P3H2: variants seen among roughly 807,000 people sequenced by gnomAD.
P3H2 encodes prolyl 3-hydroxylase 2, also known as leprecan-like 1.
Under a neutral mutation model 87.0 loss-of-function variants are expected in P3H2, and 80 were observed. That is an observed-to-expected ratio of 0.92 (90% CI 0.77 to 1.11). The LOEUF (loss-of-function observed/expected upper bound fraction) is 1.11, where lower values mean the gene tolerates loss of function less well. Ranked by LOEUF, P3H2 falls within the 50% of genes least tolerant of loss-of-function variation. The probability of loss-of-function intolerance (pLI) is 0.00; values close to 1 mark genes in which losing one functional copy is unlikely to be tolerated. For synonymous variants in P3H2, 367 were observed against 359.3 expected (o/e 1.02, Z -0.24); for missense variants, 1,001 against 923.9 (o/e 1.08, Z -1.08).
intron 1 of P3H2, among the ~76,000 whole-genome samples, chr3:190,074,506 G>T (rs1577310535): frequency 6.6e-6 from 1 of 151,988 alleles, no homozygotes; most frequent in East Asian, 1.9e-4. Flanking sequence ...GCGAGACTCT[G>T]TCTCAAAATA....
At chr3:190,075,421 G>T (rs2108975759) in intron 1 of P3H2, among the ~76,000 whole-genome samples, 1 of 151,294 alleles carries the variant, frequency 6.6e-6, no homozygotes, top group Middle Eastern at 3.4e-3. Context: ...GGAGGTGGAG[G>T]TTACAGTGAG....
intron 1 of P3H2, among the ~76,000 whole-genome samples, chr3:190,112,127 C>T (rs1200190607): frequency 6.6e-6 from 1 of 152,214 alleles, no homozygotes. Context: ...GGGAGGAACC[C>T]TGTTCTAGTG....
At chr3:190,042,083 C>G (rs548372861) in intron 1 of P3H2, among the ~76,000 whole-genome samples, 11 of 152,074 alleles carry the variant, frequency 7.2e-5, no homozygotes, top group African/African-American at 2.7e-4. Context: ...TGGCTTCTAT[C>G]GTCTGAATGC....
At chr3:189,981,218 TGGTTTGTAGCTGGTCAATGAGG>T (rs1361554002) in intron 8 of P3H2, among the ~76,000 whole-genome samples, 1 of 152,228 alleles carries the variant, frequency 6.6e-6, no homozygotes, top group Non-Finnish European at 1.5e-5. Context: ...ATGGGAACAC[TGGTTTGTAGCTGGTCAATGAGG>T]GGTTGGTCAG....
chr3:190,047,187 A>C (rs1725835123), intron 1 of P3H2, among the ~76,000 whole-genome samples: 1 of 152,226 alleles, frequency 6.6e-6, no homozygotes, highest in Non-Finnish European at 1.5e-5. Flanking sequence ...TCAAAACCAC[A>C]GTGAGATATC....
chr3:190,096,645 A>T (rs1358815078), intron 1 of P3H2, among the ~76,000 whole-genome samples: 1 of 152,234 alleles, frequency 6.6e-6, no homozygotes, highest in Non-Finnish European at 1.5e-5. Flanking sequence ...CTTTTGGGCA[A>T]TCCCACATTC....
At chr3:189,977,262 T>C (rs538159284) in intron 8 of P3H2, among the ~76,000 whole-genome samples, 5 of 152,318 alleles carry the variant, frequency 3.3e-5, no homozygotes, top group Admixed American at 3.3e-4. Flanking sequence ...TTACATGAAA[T>C]TGCAACTTCT....
chr3:190,053,358 T>G (rs1021708556), intron 1 of P3H2, among the ~76,000 whole-genome samples: 1 of 152,158 alleles, frequency 6.6e-6, no homozygotes, highest in Admixed American at 6.5e-5. Context: ...TCTTTATATA[T>G]TCTAGACACA....
At chr3:189,973,161 T>C (rs1314500939) in intron 10 of P3H2, 137 bp from the exon 11 acceptor site, 2 of 749,536 alleles carry the variant, frequency 2.7e-6, no homozygotes, top group Non-Finnish European at 4.3e-6. Flanking sequence ...TACATATTTG[T>C]GGATTTCGGT....
Position 189,974,602 on chromosome 3 carries a change from CG to C in P3H2, c.1407del (p.Asn469LysfsTer44). 1 of 1,614,120 alleles carries C rather than the reference CG, an allele frequency of 6.2e-7. No individual in the cohort carries two copies. The highest frequency in any genetic ancestry group is 8.5e-7 in the Non-Finnish European group (1 of 1,180,024). ...TCCCGGCACTGTTCTTCCGACAGGACGTTATCCAGGAGAACCCGCTGAGTCC... is the reference window on the plus strand; with the variant it reads ...TCCCGGCACTGTTCTTCCGACAGGACTTATCCAGGAGAACCCGCTGAGTCC... ...LNGTQRVLLD[N>X]VLSEEQCREL... On this transcript the variant is annotated frameshift_variant, in exon 9 of 15. Transcript: ENST00000319332. LOFTEE classifies it high-confidence loss of function.
intron 1 of P3H2, among the ~76,000 whole-genome samples, chr3:190,027,947 G>A (rs1332532658): frequency 6.8e-6 from 1 of 147,044 alleles, no homozygotes; most frequent in Middle Eastern, 3.4e-3. Flanking sequence ...TAGCCTGGGC[G>A]ACAGAGCAAG....
chr3:190,067,002 A>G (rs957950732), intron 1 of P3H2, among the ~76,000 whole-genome samples: 1 of 138,896 alleles, frequency 7.2e-6, no homozygotes, highest in African/African-American at 2.9e-5. Flanking sequence ...TTCTTTTTTA[A>G]TTTTCTTTCT....
rs149677146 is a variant in P3H2, at chr3:190,112,277, C to A, written c.480+7975G>T. Among the ~76,000 whole-genome samples the A allele has an allele frequency of 3.1e-3, 474 of 152,292 alleles. 4 individuals are homozygous for A. Among genetic ancestry groups the A allele is most frequent in the African/African-American group, 0.01 (423 of 41,558 alleles). ...TCTCTTTTGAGCTTTATTTTCCCATCCATAAAATGCAATGGTTGCAGTACT... is the reference window on the plus strand; with the variant it reads ...TCTCTTTTGAGCTTTATTTTCCCATACATAAAATGCAATGGTTGCAGTACT... On this transcript the variant is annotated intron_variant, in intron 1 of 14. Transcript: ENST00000319332.
chr3:189,973,160 G>T, intron 10 of P3H2, 136 bp from the exon 11 acceptor site: 1 of 746,562 alleles, frequency 1.3e-6, no homozygotes, highest in Non-Finnish European at 2.2e-6. Flanking sequence ...CTACATATTT[G>T]TGGATTTCGG....
intron 1 of P3H2, among the ~76,000 whole-genome samples, chr3:190,065,274 C>T (rs143094428): frequency 6.6e-6 from 1 of 152,270 alleles, no homozygotes; most frequent in Non-Finnish European, 1.5e-5. Context: ...GCAGGTGATA[C>T]ATGCCATTCC....
At chr3:189,962,190 CAG>C (rs1722839166) in intron 14 of P3H2, among the ~76,000 whole-genome samples, 3 of 71,176 alleles carry the variant, frequency 4.2e-5, no homozygotes, top group African/African-American at 1.4e-4. Context: ...TTTTTTAAGA[CAG>C]AGTCTCACTC....
chr3:189,956,979 T>C lies in P3H2; in HGVS notation c.*933A>G, dbSNP rs977099165. ...CCAAAGTCACCAGGGTGAAAAGCCATTCTACTACAACCTCTACATGACCTT... is the reference window on the plus strand; with the variant it reads ...CCAAAGTCACCAGGGTGAAAAGCCACTCTACTACAACCTCTACATGACCTT... On this transcript the variant is annotated 3_prime_UTR_variant, in exon 15 of 15. Coordinates refer to ENST00000319332, the MANE Select transcript of P3H2 (RefSeq NM_018192.4). 1 of 396,922 alleles carries C rather than the reference T, an allele frequency of 2.5e-6. No individual in the cohort carries two copies. Among genetic ancestry groups the C allele is most frequent in the African/African-American group, 2.1e-5 (1 of 48,716 alleles). 24.6% of individuals were successfully genotyped at this position (396,922 alleles called of 1,614,324 possible).
At chr3:190,004,128 G>A (rs959320540) in intron 1 of P3H2, among the ~76,000 whole-genome samples, 1 of 152,172 alleles carries the variant, frequency 6.6e-6, no homozygotes, top group African/African-American at 2.4e-5. Flanking sequence ...GTATTGGTGA[G>A]CACAATCTAA....
At chr3:190,105,658 T>C (rs1342271772) in intron 1 of P3H2, among the ~76,000 whole-genome samples, 1 of 152,218 alleles carries the variant, frequency 6.6e-6, no homozygotes, top group Non-Finnish European at 1.5e-5. Flanking sequence ...CTAATTTATG[T>C]CCATTGCATT....
Sources: gnomAD v4.1 joint callset for allele counts (sites outside exome capture counted in the v4.1 genomes callset) on GRCh38, gnomAD v4.1.1 for gene constraint, MANE v1.5 for transcripts, NCBI Gene and HGNC (gene_info 2026-07-23, HGNC 2026-07-21) for gene names.